The following DNAH6 variants were observed in gnomAD, a reference collection of about 807,000 sequenced individuals.
The protein encoded by DNAH6 is dynein axonemal heavy chain 6, also known as axonemal beta dynein heavy chain 6.
DNAH6 carries 340 observed loss-of-function variants against 491.4 expected under a neutral mutation model. The observed-to-expected ratio is 0.69, with a 90% CI of 0.63 to 0.76. The LOEUF (loss-of-function observed/expected upper bound fraction) is 0.76. Among genes scored for constraint, DNAH6 ranks in the 30% least tolerant of loss-of-function variants. DNAH6 has a pLI of 0.00. For synonymous variants in DNAH6, 1,603 were observed against 1,686.1 expected, an observed-to-expected ratio of 0.95 and a Z score of 1.21; for missense variants, 4,443 against 4,972.2, an observed-to-expected ratio of 0.89 and a Z score of 3.20.
chr2:84,667,707 A>T (rs972502106), intron 37 of DNAH6, among the ~76,000 whole-genome samples: 2 of 152,202 alleles, frequency 1.3e-5, no homozygotes, highest in African/African-American at 4.8e-5. Flanking sequence ...CTAGAACTAG[A>T]AATACCGTTT....
chr2:84,514,867 T>TCACACACACACACACACACACA (rs58335460), upstream of DNAH6, among the ~76,000 whole-genome samples: 131 of 139,108 alleles, frequency 9.4e-4, 1 homozygote, highest in Middle Eastern at 3.5e-3. Context: ...TTCACCACAG[T>TCACACACACACACACACACACA]CACACACACA....
At chr2:84,508,778 G>A in the DNAH6 span, among the ~76,000 whole-genome samples, 3 of 152,188 alleles carry the variant, frequency 2.0e-5, no homozygotes, top group East Asian at 1.9e-4. Flanking sequence ...CTTTGTTCTC[G>A]TTGGTTTCAA....
At chr2:84,619,642 AC>A (rs1558806525) in intron 23 of DNAH6, 42 bp from the exon 24 acceptor site, 1 of 1,497,726 alleles carries the variant, frequency 6.7e-7, no homozygotes, top group East Asian at 2.5e-5. Context: ...CTAAGACTTT[AC>A]TTCCATTTCA....
At chr2:84,529,459 T>C (rs951817123) in intron 4 of DNAH6, among the ~76,000 whole-genome samples, 9 of 152,110 alleles carry the variant, frequency 5.9e-5, no homozygotes, top group Admixed American at 2.6e-4. Flanking sequence ...ACTTTATGAT[T>C]ACTGAGAAAA....
intron 62 of DNAH6, among the ~76,000 whole-genome samples, chr2:84,743,458 C>A (rs112416336): frequency 1.0e-3 from 156 of 152,314 alleles, no homozygotes; most frequent in African/African-American, 3.5e-3. Context: ...TCAGAAACTT[C>A]CTAATTGCCT....
intron 4 of DNAH6, among the ~76,000 whole-genome samples, chr2:84,543,145 C>T (rs1272051499): frequency 6.6e-6 from 1 of 151,926 alleles, no homozygotes; most frequent in African/African-American, 2.4e-5. Context: ...GGCAACAGAG[C>T]GAGACTCCCT....
chr2:84,583,883 G>A (rs1683284822), intron 14 of DNAH6, 116 bp from the exon 15 acceptor site: 1 of 1,065,824 alleles, frequency 9.4e-7, no homozygotes, highest in Non-Finnish European at 1.4e-6. Flanking sequence ...ATTAGCAGCA[G>A]CAGAACAGAC....
intron 29 of DNAH6, among the ~76,000 whole-genome samples, chr2:84,633,386 A>G (rs1688582798): frequency 6.6e-6 from 1 of 152,032 alleles, no homozygotes; most frequent in East Asian, 1.9e-4. Context: ...TCTCAGCACT[A>G]AAATCTCAAG....
intron 31 of DNAH6, among the ~76,000 whole-genome samples, chr2:84,637,647 G>T (rs1689008291): frequency 6.6e-6 from 1 of 152,090 alleles, no homozygotes; most frequent in Non-Finnish European, 1.5e-5. Context: ...GTTCATTGGG[G>T]TTTTTCAGTT....
At position 84,796,405 on chromosome 2, in the gene DNAH6, A is replaced by G. The variant is rs1678349978; in HGVS notation, c.11339A>G (p.Asp3780Gly). 3.9e-6 allele frequency: 6 copies of G among 1,528,144 alleles called. No individual in the cohort carries two copies. The highest frequency in any genetic ancestry group is 5.3e-6 in the Non-Finnish European group (6 of 1,133,244). The allele number at this position is 1,528,144 out of a possible 1,614,324, so 94.7% of individuals were successfully genotyped here. ...TTTTCTCCTGAAACATTAGAAGAAG[A>G]TTATAAATACTCTGAATCAGGTGAA... is the stretch of plus-strand genomic sequence containing the variant. ...RFFSPETLEEDYKYSESGIYF... is the reference protein window; with the variant it reads ...RFFSPETLEEGYKYSESGIYF... The change falls in exon 69 of 77, where the codon GAT becomes GGT. Residue 3780 changes from aspartate to glycine, a missense_variant. Physicochemically the swap from Asp to Gly is moderately conservative, Grantham distance 94. Around this residue, in one of 3 missense-constraint regions of DNAH6, gnomAD observed 1,463 missense variants for 1,656.6 expected, o/e 0.88. Transcript: ENST00000389394.
chr2:84,610,383 T>TGG (rs1350865668), intron 21 of DNAH6, among the ~76,000 whole-genome samples: 1 of 152,170 alleles, frequency 6.6e-6, no homozygotes, highest in Non-Finnish European at 1.5e-5. Context: ...AAGTCACAGA[T>TGG]GGCACCCACA....
rs760608650 is a variant in DNAH6, at chr2:84,584,220, C to T, written c.2451C>T (p.Asn817=). The T allele has an allele frequency of 1.9e-5, 30 of 1,613,848 alleles. No individual in the cohort carries two copies. Among genetic ancestry groups the T allele is most frequent in the East Asian group, 4.5e-5 (2 of 44,880 alleles). The part of the protein sequence containing the change: ...HLGSDLEELN[N]EVNEVKLQAQ... ...GTAGTGATCTTGAAGAATTAAACAA[C>T]GAAGTGAATGAAGTAAAACTGCAAG... Residue 817 remains asparagine, a synonymous_variant, in exon 15 of 77, where the codon AAC becomes AAT. Coordinates refer to ENST00000389394, the MANE Select transcript of DNAH6 (RefSeq NM_001370.2).
chr2:84,762,397 G>A (rs1281103543), intron 63 of DNAH6, among the ~76,000 whole-genome samples: 1 of 152,186 alleles, frequency 6.6e-6, no homozygotes, highest in Non-Finnish European at 1.5e-5. Flanking sequence ...AGGAAACAGA[G>A]ATCAATAATG....
At chr2:84,541,442 GT>G (rs1678231381) in intron 4 of DNAH6, among the ~76,000 whole-genome samples, 1 of 152,140 alleles carries the variant, frequency 6.6e-6, no homozygotes, top group Non-Finnish European at 1.5e-5. Flanking sequence ...AAACAAAACC[GT>G]TTTTCTGGAA....
intron 71 of DNAH6, among the ~76,000 whole-genome samples, chr2:84,807,643 G>A (rs1373178672): frequency 2.0e-5 from 3 of 152,138 alleles, no homozygotes; most frequent in South Asian, 2.1e-4. Flanking sequence ...TCCCTGGGCC[G>A]TCTAGTCTCT....
At chr2:84,808,131 A>ATATGTGTGTG (rs369348036) in intron 71 of DNAH6, among the ~76,000 whole-genome samples, 151 of 141,254 alleles carry the variant, frequency 1.1e-3, no homozygotes, top group Middle Eastern at 3.7e-3. Context: ...GTGTATATAT[A>ATATGTGTGTG]TGTGTGTGTG....
At chr2:84,561,878 A>C in intron 11 of DNAH6, among the ~76,000 whole-genome samples, 1 of 152,314 alleles carries the variant, frequency 6.6e-6, no homozygotes, top group Admixed American at 6.5e-5. Flanking sequence ...GAACCCAGGG[A>C]ATTTGGTGCT....
the DNAH6 span, among the ~76,000 whole-genome samples, chr2:84,467,376 G>A: frequency 1.2e-4 from 19 of 152,184 alleles, no homozygotes; most frequent in South Asian, 2.1e-4. Context: ...CAGTGTTAAC[G>A]CTTAGCAACT....
chr2:84,518,567 A>C (rs1675816177), intron 2 of DNAH6, among the ~76,000 whole-genome samples: 1 of 152,252 alleles, frequency 6.6e-6, no homozygotes, highest in Non-Finnish European at 1.5e-5. Flanking sequence ...CCTCTCCACC[A>C]TTAGACGTTA....
Sources: allele counts gnomAD v4.1 joint callset (sites outside exome capture counted in the v4.1 genomes callset), GRCh38; gene constraint gnomAD v4.1.1; regional missense constraint gnomAD v4.1.1; transcripts MANE v1.5; gene names NCBI Gene and HGNC (gene_info 2026-07-23, HGNC 2026-07-21).